DGKD: variants seen among roughly 807,000 people sequenced by gnomAD.
DGKD encodes diacylglycerol kinase delta.
Under a neutral mutation model 154.4 loss-of-function variants are expected in DGKD, and 68 were observed. That is an observed-to-expected ratio of 0.44 (90% CI 0.36 to 0.54). DGKD has a LOEUF of 0.54. Among genes scored for constraint, DGKD ranks in the 20% least tolerant of loss-of-function variants. The pLI, the probability that DGKD is intolerant of heterozygous loss-of-function variation, is 0.00. For missense variants in DGKD, 1,343 were observed against 1,593.6 expected (o/e 0.84, Z 2.68); for synonymous variants, 693 against 638.0 (o/e 1.09, Z -1.30).
At position 233,450,024 on chromosome 2, in the gene DGKD, T is replaced by A; in HGVS notation, c.1931T>A (p.Phe644Tyr). The A allele has an allele frequency of 6.2e-7, 1 of 1,613,154 alleles. No homozygotes were observed. The highest frequency in any genetic ancestry group is 1.7e-4 in the Middle Eastern group (1 of 6,056). ...GCCCAGACCCAGGAGCAGGAGGGCT[T>A]CGTCCTGGGCCTCTCTGAGTCAGAG... Reference protein sequence around the residue: ...QNAQTQEQEGFVLGLSESEEK... With the variant: ...QNAQTQEQEGYVLGLSESEEK... Residue 644 changes from phenylalanine to tyrosine, a missense_variant, in exon 16 of 30, where the codon TTC (phenylalanine) becomes TAC (tyrosine). Coordinates refer to ENST00000264057, the MANE Select transcript of DGKD (RefSeq NM_152879.3).
At chr2:233,368,215 A>C (rs186899002) in intron 1 of DGKD, among the ~76,000 whole-genome samples, 15 of 151,880 alleles carry the variant, frequency 9.9e-5, no homozygotes, top group African/African-American at 3.4e-4. Flanking sequence ...TTCTGTAAAG[A>C]TATTTTCTTG....
intron 1 of DGKD, among the ~76,000 whole-genome samples, chr2:233,371,554 A>G (rs1702323386): frequency 6.6e-6 from 1 of 152,194 alleles, no homozygotes; most frequent in Non-Finnish European, 1.5e-5. Flanking sequence ...GATGAAGTCC[A>G]ATTTTTTTCT....
At chr2:233,418,612 A>G (rs1323200333) in intron 3 of DGKD, among the ~76,000 whole-genome samples, 3 of 152,220 alleles carry the variant, frequency 2.0e-5, no homozygotes, top group Admixed American at 6.5e-5. Flanking sequence ...GCTTTGCTCC[A>G]TACCTGGGCT....
At position 233,390,571 on chromosome 2, in the gene DGKD, G is replaced by A. The variant is rs1385733599; in HGVS notation, c.348+88G>A. ...GAACATGTGTCCAAGCAGTTCAAAC[G>A]TTTTCATTCTTTTCTTACTGATTGG... On this transcript the variant is annotated intron_variant, in intron 3 of 29. Coordinates refer to ENST00000264057, the MANE Select transcript of DGKD (RefSeq NM_152879.3). 8 of 940,996 alleles carry A rather than the reference G, an allele frequency of 8.5e-6. No individual in the cohort carries two copies. In the South Asian group the frequency reaches 1.1e-4, roughly 12 times the overall value. The allele number at this position is 940,996 out of a possible 1,614,324, so 58.3% of individuals were successfully genotyped here. A position where few individuals can be genotyped will look rare whatever the true frequency, so the allele number is the denominator to read the frequency against.
chr2:233,449,489 G>A lies in DGKD; in HGVS notation c.1888+113G>A, dbSNP rs905352000. ...TGCATGTTGAGAAAACCTCCACTGC[G>A]GCCCTCTCCACCCATGTCCAGGCAC... On this transcript the variant is annotated intron_variant, in intron 15 of 29. Coordinates refer to ENST00000264057, the MANE Select transcript of DGKD (RefSeq NM_152879.3). This position sits in a 1 kb window ranked among gnomAD's most constrained non-coding sequence, Gnocchi z 5.3. 21 of 1,395,082 alleles carry A rather than the reference G, an allele frequency of 1.5e-5. No homozygotes were observed. Among genetic ancestry groups the A allele is most frequent in the Admixed American group, 1.3e-4 (5 of 39,000 alleles). 86.4% of individuals were successfully genotyped at this position (1,395,082 alleles called of 1,614,324 possible).
Position 233,468,376 on chromosome 2 carries a change from C to T in DGKD, c.3425-47C>T, listed in dbSNP as rs201536785. ...GGTGCCAGCTGCTGCCTACCTTGCA[C>T]TGGGCTCTGGGCACTCACTGCACTC... is the stretch of plus-strand genomic sequence containing the variant. On this transcript the variant is annotated intron_variant, in intron 28 of 29. Transcript: ENST00000264057. 2.2e-4 allele frequency: 357 copies of T among 1,603,586 alleles called. 2 individuals are homozygous for T. Among genetic ancestry groups the T allele is most frequent in the Non-Finnish European group, 1.2e-4 (135 of 1,173,142 alleles).
chr2:233,401,687 GAGGCGGTGGTTC>G (rs2061560564), intron 3 of DGKD, among the ~76,000 whole-genome samples: 2 of 152,188 alleles, frequency 1.3e-5, no homozygotes, highest in Admixed American at 6.5e-5. Flanking sequence ...TTGGGAAGCT[GAGGCGGTGGTTC>G]AACTGAGGAC....
At chr2:233,370,803 G>A (rs555053158) in intron 1 of DGKD, among the ~76,000 whole-genome samples, 1 of 151,980 alleles carries the variant, frequency 6.6e-6, no homozygotes, top group Admixed American at 6.5e-5. Flanking sequence ...CCAGGCTGGA[G>A]TGCAGTGGTG....
chr2:233,397,806 AG>A (rs767328750), intron 3 of DGKD, among the ~76,000 whole-genome samples: 4 of 151,588 alleles, frequency 2.6e-5, no homozygotes, highest in Non-Finnish European at 5.9e-5. Flanking sequence ...GGAGGTGTCT[AG>A]GGGGCAGTGG....
Position 233,354,929 on chromosome 2 carries a change from C to T in DGKD, c.156+255C>T, listed in dbSNP as rs1452462276. Among the ~76,000 whole-genome samples, 1 of 146,038 alleles carries T rather than the reference C, an allele frequency of 6.8e-6. No homozygotes were observed. The highest frequency in any genetic ancestry group is 1.5e-5 in the Non-Finnish European group (1 of 65,964). ...GCGCGCAGGTGGGCGCCCCGGGCGC[C>T]GCGCGCTGGGCGGGGGGCGCGCGCC... On this transcript the variant is annotated intron_variant, in intron 1 of 29. Coordinates refer to ENST00000264057, the MANE Select transcript of DGKD (RefSeq NM_152879.3). This position sits in a 1 kb window ranked among gnomAD's most constrained non-coding sequence, Gnocchi z 4.8.
At chr2:233,356,532 T>C (rs1238691066) in intron 1 of DGKD, among the ~76,000 whole-genome samples, 1 of 152,172 alleles carries the variant, frequency 6.6e-6, no homozygotes, top group Non-Finnish European at 1.5e-5. Context: ...AAGATCAAGA[T>C]TGTGTTGAGA....
At chr2:233,421,618 G>C (rs1311129373) in intron 3 of DGKD, among the ~76,000 whole-genome samples, 1 of 151,964 alleles carries the variant, frequency 6.6e-6, no homozygotes, top group East Asian at 1.9e-4. Context: ...GCCTGCTTCT[G>C]CTCAGCCCTT....
At chr2:233,434,053 C>A (rs1457219149) in intron 3 of DGKD, among the ~76,000 whole-genome samples, 1 of 152,226 alleles carries the variant, frequency 6.6e-6, no homozygotes, top group Admixed American at 6.5e-5. Context: ...GTGTCTTCCA[C>A]TGTTCGGAAA....
At chr2:233,395,006 T>C (rs1190607941) in intron 3 of DGKD, among the ~76,000 whole-genome samples, 6 of 152,182 alleles carry the variant, frequency 3.9e-5, no homozygotes, top group Admixed American at 3.3e-4. Context: ...CTTGCCTAGA[T>C]TTAATTCTTG....
At chr2:233,381,567 T>A (rs1292956155) in intron 1 of DGKD, among the ~76,000 whole-genome samples, 1 of 152,188 alleles carries the variant, frequency 6.6e-6, no homozygotes, top group Non-Finnish European at 1.5e-5. Context: ...GATTAAAAGA[T>A]GAAAATGGCT....
At chr2:233,466,835 TGTAAA>T (rs1265119335) in intron 27 of DGKD, among the ~76,000 whole-genome samples, 1 of 152,270 alleles carries the variant, frequency 6.6e-6, no homozygotes, top group Non-Finnish European at 1.5e-5. Context: ...GAAACGCACA[TGTAAA>T]GTGAAGGAAG....
intron 1 of DGKD, among the ~76,000 whole-genome samples, chr2:233,355,088 G>T (rs1489647123): frequency 6.6e-6 from 1 of 152,100 alleles, no homozygotes; most frequent in East Asian, 1.9e-4. Context: ...CCCCGGTTCT[G>T]CACGTTTCTC....
intron 3 of DGKD, among the ~76,000 whole-genome samples, chr2:233,412,907 A>C (rs2061862384): frequency 1.3e-5 from 2 of 152,240 alleles, no homozygotes; most frequent in Admixed American, 1.3e-4. Flanking sequence ...TTTCAAATTT[A>C]AGACAACTTT....
chr2:233,399,766 G>T (rs1408084382), intron 3 of DGKD, among the ~76,000 whole-genome samples: 1 of 152,184 alleles, frequency 6.6e-6, no homozygotes, highest in Non-Finnish European at 1.5e-5. Context: ...GCAGGGAAGA[G>T]TTGGCTAGGT....
Sources: allele counts gnomAD v4.1 joint callset (sites outside exome capture counted in the v4.1 genomes callset), GRCh38; gene constraint gnomAD v4.1.1; non-coding constraint Gnocchi (gnomAD v3.1); transcripts MANE v1.5; gene names NCBI Gene and HGNC (gene_info 2026-07-23, HGNC 2026-07-21).